The following ZNF362 variants were observed in gnomAD, a reference collection of about 807,000 sequenced individuals.
The protein encoded by ZNF362 is zinc finger protein 362.
A neutral mutation model predicts 42.9 loss-of-function variants in ZNF362; 11 were observed. The observed-to-expected ratio is 0.26, with a 90% CI of 0.16 to 0.42. ZNF362 has a LOEUF of 0.42. Ranked by LOEUF, ZNF362 falls within the 20% of genes least tolerant of loss-of-function variation. The pLI, the probability that ZNF362 is intolerant of heterozygous loss-of-function variation, is 1.00. For missense variants in ZNF362, 362 were observed against 576.2 expected, an observed-to-expected ratio of 0.63 and a Z score of 3.81; for synonymous variants, 255 against 257.3, an observed-to-expected ratio of 0.99 and a Z score of 0.09.
the ZNF362 span, among the ~76,000 whole-genome samples, chr1:33,187,131 G>A: frequency 1.9e-4 from 29 of 152,138 alleles, no homozygotes; most frequent in African/African-American, 6.8e-4. Context: ...CAAAGGGTGA[G>A]GGAGCTGGGG....
intron 1 of ZNF362, among the ~76,000 whole-genome samples, chr1:33,267,529 C>G (rs1254543771): frequency 6.6e-6 from 1 of 152,086 alleles, no homozygotes; most frequent in Non-Finnish European, 1.5e-5. Flanking sequence ...TCAATCCTTC[C>G]TTTTAATGGA....
chr1:33,134,900 T>C, the ZNF362 span, among the ~76,000 whole-genome samples: 1 of 152,230 alleles, frequency 6.6e-6, no homozygotes, highest in African/African-American at 2.4e-5. Flanking sequence ...GGCCTCAGCC[T>C]CACCAGCCTT....
At chr1:33,165,542 C>T in the ZNF362 span, 1 of 1,610,392 alleles carries the variant, frequency 6.2e-7, no homozygotes, top group South Asian at 1.1e-5. This position sits in a 1 kb window ranked among gnomAD's most constrained non-coding sequence, Gnocchi z 4.0. Flanking sequence ...TCTTGAAGGG[C>T]CTGAAGTTGG....
the ZNF362 span, among the ~76,000 whole-genome samples, chr1:33,175,968 C>T: frequency 6.6e-6 from 1 of 152,170 alleles, no homozygotes; most frequent in African/African-American, 2.4e-5. Context: ...TACACTGTGG[C>T]CCGTGCTCAG....
rs772473860 is a variant in ZNF362, at chr1:33,299,586, C to T, written c.*540C>T. The T allele has an allele frequency of 6.5e-6, 1 of 154,746 alleles. No individual in the cohort carries two copies. Among genetic ancestry groups the T allele is most frequent in the Non-Finnish European group, 1.4e-5 (1 of 69,364 alleles). The allele number at this position is 154,746 out of a possible 1,614,324, so 9.6% of individuals were successfully genotyped here. On this transcript the variant is annotated 3_prime_UTR_variant, in exon 9 of 9. Transcript: ENST00000539719. Reference sequence around the variant, plus strand: ...GGGGCAGGAAGCAGCCGGAGTGAGCCCTTCGCCCCTGAGTGCCTGGCTCGC... The same window carrying T: ...GGGGCAGGAAGCAGCCGGAGTGAGCTCTTCGCCCCTGAGTGCCTGGCTCGC...
chr1:33,282,469 G>A (rs970620927), intron 6 of ZNF362, among the ~76,000 whole-genome samples: 5 of 152,142 alleles, frequency 3.3e-5, no homozygotes, highest in African/African-American at 7.2e-5. Flanking sequence ...CTCTGCCTTC[G>A]TGGGGCATAC....
At chr1:33,149,675 GA>G in the ZNF362 span, among the ~76,000 whole-genome samples, 3 of 152,048 alleles carry the variant, frequency 2.0e-5, no homozygotes, top group Non-Finnish European at 4.4e-5. Context: ...GGCTGGTCTC[GA>G]ACTCCTGGCC....
chr1:33,222,041 G>C, the ZNF362 span, among the ~76,000 whole-genome samples: 1 of 152,314 alleles, frequency 6.6e-6, no homozygotes, highest in Non-Finnish European at 1.5e-5. Context: ...TCTGAGGACA[G>C]TTACGGTGCC....
At chr1:33,298,830 C>T (rs960604211) in intron 8 of ZNF362, 100 bp from the exon 9 acceptor site, 25 of 994,648 alleles carry the variant, frequency 2.5e-5, no homozygotes, top group African/African-American at 1.1e-4. Flanking sequence ...CCCTCTGAAC[C>T]GCCTACCAAG....
chr1:33,280,081 T>A lies in ZNF362; in HGVS notation c.350-43T>A. 1 of 1,520,944 alleles carries A rather than the reference T, an allele frequency of 6.6e-7. No homozygotes were observed. The highest frequency in any genetic ancestry group is 8.8e-7 in the Non-Finnish European group (1 of 1,132,150). 94.2% of individuals were successfully genotyped at this position (1,520,944 alleles called of 1,614,324 possible). On this transcript the variant is annotated intron_variant, in intron 4 of 8. Coordinates refer to ENST00000539719, the MANE Select transcript of ZNF362 (RefSeq NM_152493.3). The surrounding 1 kb of genome is among the most constrained non-coding windows in gnomAD (Gnocchi z 5.6). Reference sequence around the variant, plus strand: ...CTGGGTGGGCAGCTGAGCTGGCCTCTGCAGCTCCGCTCACCCCTGCCCCCA... The same window carrying A: ...CTGGGTGGGCAGCTGAGCTGGCCTCAGCAGCTCCGCTCACCCCTGCCCCCA...
At chr1:33,211,666 AT>A in the ZNF362 span, among the ~76,000 whole-genome samples, 2 of 148,800 alleles carry the variant, frequency 1.3e-5, no homozygotes, top group Non-Finnish European at 3.0e-5. Context: ...TGCCCTTAGC[AT>A]TTTTTCCTTC....
chr1:33,253,935 AGAT>A (rs1645772724), upstream of ZNF362, among the ~76,000 whole-genome samples: 2 of 152,310 alleles, frequency 1.3e-5, no homozygotes, highest in South Asian at 2.1e-4. Flanking sequence ...AGAAAAATTG[AGAT>A]GATATTACAG....
rs1645995258 is a variant in ZNF362, at chr1:33,281,605, G to A, written c.702G>A (p.Leu234=). The change falls in exon 6 of 9, where the codon CTG becomes CTA. Residue 234 remains leucine (L), a synonymous_variant. Transcript: ENST00000539719. This position sits in a 1 kb window ranked among gnomAD's most constrained non-coding sequence, Gnocchi z 4.8. ...TCCGCAGGTGTAAGGTATGCCCACT[G>A]ACCTTTTTCACCAAGTCAGAGATGC... ...GKTYRCKVCP[L]TFFTKSEMQI... is the part of the protein sequence containing the mutation. The A allele has an allele frequency of 3.1e-6, 5 of 1,614,198 alleles. No individual in the cohort carries two copies. The East Asian group carries it at 1.1e-4, about 36-fold the overall frequency.
chr1:33,270,954 G>T (rs1310472503), intron 2 of ZNF362, among the ~76,000 whole-genome samples: 1 of 152,146 alleles, frequency 6.6e-6, no homozygotes. Context: ...CACTGTGGGG[G>T]TCACCTTGCA....
rs1009836779 is a variant in ZNF362 at position 33,281,890 on chromosome 1, G to C, written c.908+79G>C. 5.9e-5 allele frequency: 87 copies of C among 1,475,324 alleles called. No homozygotes were observed. In the South Asian group the frequency reaches 9.8e-4, roughly 17 times the overall value. 91.4% of individuals were successfully genotyped at this position (1,475,324 alleles called of 1,614,324 possible). ...GCCTGGCACATGGAGCCAGTGCAAG[G>C]AGGGGCAAGGACCTTCTCCAGGTGC... On this transcript the variant is annotated intron_variant, in intron 6 of 8. Transcript: ENST00000539719. This position sits in a 1 kb window ranked among gnomAD's most constrained non-coding sequence, Gnocchi z 4.8.
chr1:33,197,491 C>T, the ZNF362 span, among the ~76,000 whole-genome samples: 1 of 152,268 alleles, frequency 6.6e-6, no homozygotes, highest in Non-Finnish European at 1.5e-5. Flanking sequence ...CATATGCGTC[C>T]ATCATTGATC....
chr1:33,230,722 C>T, the ZNF362 span, among the ~76,000 whole-genome samples: 5 of 152,216 alleles, frequency 3.3e-5, no homozygotes, highest in Non-Finnish European at 5.9e-5. Flanking sequence ...CTGGAAGCTG[C>T]GGCTGGGCTG....
chr1:33,254,041 T>C (rs1566230), upstream of ZNF362, among the ~76,000 whole-genome samples: 31,874 of 152,156 alleles, frequency 0.21, 3,826 homozygotes, highest in South Asian at 0.28. Flanking sequence ...GTAGATACTT[T>C]CCTTGACACA....
chr1:33,262,473 A>T (rs1645835392), intron 1 of ZNF362, among the ~76,000 whole-genome samples: 1 of 151,258 alleles, frequency 6.6e-6, no homozygotes, highest in African/African-American at 2.4e-5. Context: ...CGCCCAGCTA[A>T]TTTTTTTGTA....
Sources: allele counts gnomAD v4.1 joint callset (sites outside exome capture counted in the v4.1 genomes callset), GRCh38; gene constraint gnomAD v4.1.1; non-coding constraint Gnocchi (gnomAD v3.1); transcripts MANE v1.5; gene names NCBI Gene and HGNC (gene_info 2026-07-23, HGNC 2026-07-21).